PLPPR1: variants seen among roughly 807,000 people sequenced by gnomAD.
PLPPR1 encodes phospholipid phosphatase related 1.
PLPPR1 carries 10 observed loss-of-function variants against 33.1 expected under a neutral mutation model. That is an observed-to-expected ratio of 0.30 (90% confidence interval 0.19 to 0.51). PLPPR1 has a LOEUF of 0.51. PLPPR1 is among the 20% of genes least tolerant of loss of function. The pLI, the probability that PLPPR1 is intolerant of heterozygous loss-of-function variation, is 0.97. For synonymous variants in PLPPR1, 151 were observed against 151.0 expected (o/e 1.00, Z 0.00); for missense variants, 304 against 408.1 (o/e 0.74, Z 2.20).
At chr9:101,275,125 G>A (rs997727815) in intron 3 of PLPPR1, among the ~76,000 whole-genome samples, 10 of 152,206 alleles carry the variant, frequency 6.6e-5, no homozygotes, top group Admixed American at 6.5e-5. Flanking sequence ...GGAGTATAAT[G>A]AAGCGTGACG....
At chr9:101,290,674 A>AT (rs75759282) in intron 4 of PLPPR1, among the ~76,000 whole-genome samples, 106 of 152,308 alleles carry the variant, frequency 7.0e-4, no homozygotes, top group African/African-American at 2.2e-3. Flanking sequence ...GATATCTCTA[A>AT]TTTTTTTAAA....
rs1396619558 is a variant in PLPPR1 at position 101,242,299 on chromosome 9, A to T, written c.64-27581A>T. ...AATCTTGCCATACCCTTTTAATCCC[A>T]TGCTATTGGTCAAGCAAACCACCTT... On this transcript the variant is annotated intron_variant, in intron 2 of 7. Transcript: ENST00000374874. 6.1e-5 allele frequency among the ~76,000 whole-genome samples: 9 copies of T among 147,866 alleles called. No individual in the cohort carries two copies. In the Admixed American group the frequency reaches 6.1e-4, roughly 10 times the overall value.
chr9:101,159,411 C>A (rs992314993), intron 1 of PLPPR1, among the ~76,000 whole-genome samples: 18 of 152,092 alleles, frequency 1.2e-4, no homozygotes, highest in Non-Finnish European at 5.9e-5. Flanking sequence ...TTTTCTCCTG[C>A]ATAATGATAT....
At chr9:101,123,858 G>C (rs1034035177) in intron 1 of PLPPR1, among the ~76,000 whole-genome samples, 2 of 152,104 alleles carry the variant, frequency 1.3e-5, no homozygotes, top group Admixed American at 1.3e-4. Flanking sequence ...TAGTGCGTCA[G>C]GGTAGCCTTC....
At position 101,291,495 on chromosome 9, in the gene PLPPR1, G is replaced by A. The variant is rs552493559; in HGVS notation, c.385+5259G>A. Among the ~76,000 whole-genome samples, 302 of 152,252 alleles carry A rather than the reference G, an allele frequency of 2.0e-3. 1 individual carries two copies. The highest frequency in any genetic ancestry group is 3.7e-3 in the Non-Finnish European group (251 of 68,012). ...ATGGGCAGACTGCCTCCTCAAGTGGGTCCCTGACCCCTGACCCCCGAGCAG... is the reference window on the plus strand; with the variant it reads ...ATGGGCAGACTGCCTCCTCAAGTGGATCCCTGACCCCTGACCCCCGAGCAG... On this transcript the variant is annotated intron_variant, in intron 4 of 7. Coordinates refer to ENST00000374874, the MANE Select transcript of PLPPR1 (RefSeq NM_207299.2).
At chr9:101,125,580 A>G (rs769903046) in intron 1 of PLPPR1, 2 of 521,956 alleles carry the variant, frequency 3.8e-6, no homozygotes, top group South Asian at 1.7e-5. Context: ...CAGGAAAACC[A>G]GAGTTAGGCC....
chr9:101,286,003 T>C, intron 3 of PLPPR1, 101 bp from the exon 4 acceptor site: 1 of 849,168 alleles, frequency 1.2e-6, no homozygotes, highest in East Asian at 2.4e-5. Flanking sequence ...TCTTTTAAAA[T>C]GATTGTGGGT....
At chr9:101,097,910 G>C (rs1208423205) in intron 1 of PLPPR1, among the ~76,000 whole-genome samples, 3 of 152,186 alleles carry the variant, frequency 2.0e-5, no homozygotes, top group Non-Finnish European at 4.4e-5. Flanking sequence ...AGAACCTCAT[G>C]TAGTTTTGGA....
At position 101,269,950 on chromosome 9, in the gene PLPPR1, TC is replaced by T; in HGVS notation, c.136del (p.Gln46LysfsTer10). On this transcript the variant is annotated frameshift_variant, in exon 3 of 8. Coordinates refer to ENST00000374874, the MANE Select transcript of PLPPR1 (RefSeq NM_207299.2). LOFTEE classifies it high-confidence loss of function. The stretch of plus-strand genomic sequence containing the variant: ...TGCACTGACACTTTTCAGGTGCATA[TC>T]CAAGGATTCTTCTGTCAGGACGGAG... Reference protein sequence around the residue: ...FECTDTFQVHIQGFFCQDGDL... With the variant: ...FECTDTFQVHXQGFFCQDGDL... 6.2e-7 allele frequency: 1 copy of T among 1,614,170 alleles called. No homozygotes were observed. Among genetic ancestry groups the T allele is most frequent in the Non-Finnish European group, 8.5e-7 (1 of 1,180,006 alleles).
chr9:101,144,342 A>G (rs773216366), intron 1 of PLPPR1, among the ~76,000 whole-genome samples: 3 of 152,174 alleles, frequency 2.0e-5, no homozygotes, highest in Non-Finnish European at 4.4e-5. Flanking sequence ...CAGCACACCA[A>G]CATGGCACAT....
intron 2 of PLPPR1, among the ~76,000 whole-genome samples, chr9:101,204,171 TTTG>T (rs1324554319): frequency 6.6e-6 from 1 of 152,120 alleles, no homozygotes; most frequent in African/African-American, 2.4e-5. Flanking sequence ...TGCAAGATTT[TTTG>T]TTATTTGTTT....
intron 1 of PLPPR1, among the ~76,000 whole-genome samples, chr9:101,101,668 T>C (rs1830902730): frequency 6.6e-6 from 1 of 152,142 alleles, no homozygotes; most frequent in Non-Finnish European, 1.5e-5. Flanking sequence ...AATGTAAAGA[T>C]CCTTTAGATA....
intron 1 of PLPPR1, among the ~76,000 whole-genome samples, chr9:101,060,991 C>T (rs928135195): frequency 1.3e-5 from 2 of 151,886 alleles, no homozygotes; most frequent in African/African-American, 4.8e-5. Flanking sequence ...TTTTCTCAAA[C>T]TAATCCTAGT....
intron 1 of PLPPR1, chr9:101,125,553 C>A: frequency 2.1e-6 from 1 of 478,388 alleles, no homozygotes; most frequent in Admixed American, 2.5e-5. Context: ...ATAGGAAGTG[C>A]TGTCTCCTGC....
At position 101,194,044 on chromosome 9, in the gene PLPPR1, G is replaced by C. The variant is rs377063123; in HGVS notation, c.63+8487G>C. ...AAGAATATTTTTACATTTTAATCCA[G>C]GTAAATCTCAACTATCTGGAACTCT... On this transcript the variant is annotated intron_variant, in intron 2 of 7. Transcript: ENST00000374874. 2.2e-4 allele frequency among the ~76,000 whole-genome samples: 33 copies of C among 152,232 alleles called. No individual in the cohort carries two copies. In the East Asian group the frequency reaches 4.8e-3, roughly 22 times the overall value.
At chr9:101,168,033 A>G (rs1368174109) in intron 1 of PLPPR1, among the ~76,000 whole-genome samples, 1 of 152,134 alleles carries the variant, frequency 6.6e-6, no homozygotes, top group Non-Finnish European at 1.5e-5. Context: ...CTTATTCACT[A>G]TCATAAGAAT....
rs141250734 is a variant in PLPPR1, at chr9:101,211,402, T to C, written c.63+25845T>C. ...AAAACATTGTCCAAATCAAAAAATATGAAACATTTACCTGTCTTATCTAAT... is the reference window on the plus strand; with the variant it reads ...AAAACATTGTCCAAATCAAAAAATACGAAACATTTACCTGTCTTATCTAAT... On this transcript the variant is annotated intron_variant, in intron 2 of 7. Coordinates refer to ENST00000374874, the MANE Select transcript of PLPPR1 (RefSeq NM_207299.2). 3.2e-4 allele frequency among the ~76,000 whole-genome samples: 48 copies of C among 152,278 alleles called. 2 individuals are homozygous for C. The highest frequency in any genetic ancestry group is 2.9e-3 in the South Asian group (14 of 4,816).
intron 4 of PLPPR1, among the ~76,000 whole-genome samples, chr9:101,296,929 T>G (rs539418593): frequency 1.9e-3 from 282 of 152,212 alleles, no homozygotes; most frequent in African/African-American, 6.5e-3. Flanking sequence ...ACATGTACCC[T>G]AAAACTTAAA....
chr9:101,062,780 G>T lies in PLPPR1; in HGVS notation c.-46+33678G>T, dbSNP rs532859399. On this transcript the variant is annotated intron_variant, in intron 1 of 7. Coordinates refer to ENST00000374874, the MANE Select transcript of PLPPR1 (RefSeq NM_207299.2). ...TTATAAGGTAAGGCAAAAATAATAG[G>T]CTCTATGTTATCATATGGTGTAAGT... Among the ~76,000 whole-genome samples, 12 of 151,756 alleles carry T rather than the reference G, an allele frequency of 7.9e-5. No homozygotes were observed. The South Asian group carries it at 2.6e-3, about 33-fold the overall frequency.
Sources: allele counts gnomAD v4.1 joint callset (sites outside exome capture counted in the v4.1 genomes callset), GRCh38; gene constraint gnomAD v4.1.1; transcripts MANE v1.5; gene names NCBI Gene and HGNC (gene_info 2026-07-23, HGNC 2026-07-21).